Variants in PDXDC1 observed in about 807,000 individuals in gnomAD.
PDXDC1 encodes pyridoxal dependent decarboxylase domain containing 1.
In PDXDC1, 42 loss-of-function variants were observed where a neutral mutation model predicts 100.1. That is an observed-to-expected ratio of 0.42 (90% CI 0.33 to 0.54). The LOEUF is 0.54. PDXDC1 is among the 20% of genes least tolerant of loss of function. The probability of loss-of-function intolerance (pLI) is 0.10; values close to 1 mark genes in which losing one functional copy is unlikely to be tolerated. For missense variants in PDXDC1, 636 were observed against 979.2 expected (o/e 0.65, Z 4.68); for synonymous variants, 260 against 371.7 (o/e 0.70, Z 3.46).
intron 16 of PDXDC1, among the ~76,000 whole-genome samples, chr16:15,043,715 C>A (rs142078442): frequency 6.6e-6 from 1 of 152,080 alleles, no homozygotes; most frequent in Non-Finnish European, 1.5e-5. Flanking sequence ...TTTAAGAGGC[C>A]GAGGCAGGTG....
chr16:15,097,467 A>C (rs1407430186), intron 16 of PDXDC1, among the ~76,000 whole-genome samples: 2 of 108,090 alleles, frequency 1.9e-5, no homozygotes, highest in African/African-American at 6.3e-5. Context: ...TACTAAAAAT[A>C]CAAAAAAAAA....
intron 1 of PDXDC1, among the ~76,000 whole-genome samples, chr16:14,993,622 T>C (rs1200494401): frequency 6.6e-6 from 1 of 152,296 alleles, no homozygotes; most frequent in Non-Finnish European, 1.5e-5. Flanking sequence ...TGTGTCTTTA[T>C]AGCGGCATGA....
intron 19 of PDXDC1, 77 bp from the exon 20 acceptor site, chr16:15,034,209 C>CA: frequency 1.6e-6 from 2 of 1,238,226 alleles, no homozygotes; most frequent in South Asian, 2.5e-5. Context: ...AAAATTCCCT[C>CA]AGTGCTGTGT....
At chr16:15,003,917 G>A (rs1488162430) in intron 4 of PDXDC1, among the ~76,000 whole-genome samples, 1 of 152,272 alleles carries the variant, frequency 6.6e-6, no homozygotes, top group Non-Finnish European at 1.5e-5. Flanking sequence ...CCAGGAGGTG[G>A]AGGTTGTAGT....
chr16:15,122,435 C>G (rs1456303099), intron 16 of PDXDC1, among the ~76,000 whole-genome samples: 1 of 144,664 alleles, frequency 6.9e-6, no homozygotes, highest in African/African-American at 2.6e-5. Context: ...GGCTAGTCTT[C>G]AACTCCTGGA....
At chr16:15,122,181 C>A (rs1024169845) in intron 16 of PDXDC1, among the ~76,000 whole-genome samples, 4 of 151,882 alleles carry the variant, frequency 2.6e-5, no homozygotes, top group African/African-American at 9.7e-5. Context: ...AACAAACAAA[C>A]AAAAAAGTCA....
chr16:15,039,678 A>G (rs1398003165), downstream of PDXDC1, among the ~76,000 whole-genome samples: 1 of 152,166 alleles, frequency 6.6e-6, no homozygotes, highest in Non-Finnish European at 1.5e-5. Flanking sequence ...ACTTTATAGA[A>G]AAGCTCTTAC....
intron 16 of PDXDC1, chr16:15,061,432 A>G (rs1018944860): frequency 2.8e-5 from 9 of 319,642 alleles, no homozygotes; most frequent in Non-Finnish European, 4.5e-5. Flanking sequence ...GAAATTACCC[A>G]GTAATTGTGT....
At chr16:15,137,425 G>A in intron 16 of PDXDC1, 5 of 1,394,968 alleles carry the variant, frequency 3.6e-6, no homozygotes, top group Non-Finnish European at 4.9e-6. Flanking sequence ...GGCCGGTGGA[G>A]AAGCAGAAGG....
At chr16:15,077,509 T>C (rs2045512470) in intron 16 of PDXDC1, among the ~76,000 whole-genome samples, 1 of 152,188 alleles carries the variant, frequency 6.6e-6, no homozygotes, top group Non-Finnish European at 1.5e-5. Context: ...GCCATGATTC[T>C]GAGGCCTCCC....
intron 16 of PDXDC1, chr16:15,129,831 GCA>G (rs1198030699): frequency 1.3e-6 from 1 of 750,494 alleles, no homozygotes; most frequent in East Asian, 2.7e-5. Context: ...GGTGCAACCA[GCA>G]CAGCCAGTGA....
At chr16:15,126,145 C>G (rs1163823854) in intron 16 of PDXDC1, among the ~76,000 whole-genome samples, 2 of 151,890 alleles carry the variant, frequency 1.3e-5, no homozygotes, top group African/African-American at 4.8e-5. Context: ...GGCGATTGTC[C>G]TGGCTCAGCC....
intron 16 of PDXDC1, chr16:15,125,782 G>A (rs1462630119): frequency 5.4e-6 from 8 of 1,474,038 alleles, no homozygotes; most frequent in Admixed American, 5.3e-5. Context: ...CTGCCCGGCA[G>A]GTGTGGGGCT....
chr16:15,031,679 C>A, intron 16 of PDXDC1, 56 bp from the exon 17 acceptor site: 1 of 1,477,828 alleles, frequency 6.8e-7, no homozygotes, highest in Non-Finnish European at 9.4e-7. Flanking sequence ...GGGAGCCCTG[C>A]CCTCTTGTCA....
rs575519826 is a variant in PDXDC1 at position 15,054,870 on chromosome 16, C to T, written c.1399+24814C>T. 9.2e-5 allele frequency among the ~76,000 whole-genome samples: 14 copies of T among 152,324 alleles called. No individual in the cohort carries two copies. The South Asian group carries it at 2.3e-3, about 25-fold the overall frequency. ...GCAAACAAAATAATCACAAACTGTA[C>T]AGCTGTGACAGATGAAACCTCTAAA... On this transcript the variant is annotated intron_variant, in intron 16 of 16. Coordinates refer to the PDXDC1 transcript ENST00000535621.
At chr16:15,009,142 T>C (rs2041044763) in intron 7 of PDXDC1, among the ~76,000 whole-genome samples, 1 of 152,286 alleles carries the variant, frequency 6.6e-6, no homozygotes, top group Non-Finnish European at 1.5e-5. Context: ...AGCTCCTACT[T>C]TTAATGAGTT....
chr16:15,025,117 T>G (rs1199894735), intron 13 of PDXDC1: 1 of 152,366 alleles, frequency 6.6e-6, no homozygotes, highest in Non-Finnish European at 1.5e-5. Flanking sequence ...TGGTTCTTGG[T>G]TATATTTAAT....
intron 3 of PDXDC1, among the ~76,000 whole-genome samples, chr16:15,001,250 A>T (rs1401177441): frequency 2.6e-5 from 4 of 152,270 alleles, no homozygotes; most frequent in African/African-American, 9.6e-5. Flanking sequence ...GCACTTTGGG[A>T]GGCCGAGGAG....
chr16:15,037,830 A>G lies in PDXDC1; in HGVS notation c.*1555A>G. Reference sequence around the variant, plus strand: ...AAACTGGACATCAATTTTTTAGTAAACCAAAAAATAAGTCTCAACAAATGC... The same window carrying G: ...AAACTGGACATCAATTTTTTAGTAAGCCAAAAAATAAGTCTCAACAAATGC... On this transcript the variant is annotated 3_prime_UTR_variant, in exon 23 of 23. Coordinates refer to ENST00000396410, the MANE Select transcript of PDXDC1 (RefSeq NM_015027.4). The G allele has an allele frequency of 2.1e-6, 1 of 480,904 alleles. No individual in the cohort carries two copies. 29.8% of individuals were successfully genotyped at this position (480,904 alleles called of 1,614,324 possible). A position where few individuals can be genotyped will look rare whatever the true frequency, so the allele number is the denominator to read the frequency against.
Sources: allele counts gnomAD v4.1 joint callset (sites outside exome capture counted in the v4.1 genomes callset), GRCh38; gene constraint gnomAD v4.1.1; transcripts MANE v1.5; gene names NCBI Gene and HGNC (gene_info 2026-07-23, HGNC 2026-07-21).